TRIM71: variants seen among roughly 807,000 people sequenced by gnomAD.
The protein encoded by TRIM71 is E3 ubiquitin-protein ligase TRIM71.
In TRIM71, 9 loss-of-function variants were observed where a neutral mutation model predicts 61.2. The ratio of observed to expected loss-of-function variants is 0.15; its 90% CI spans 0.09 to 0.26. The LOEUF is 0.26. Among genes scored for constraint, TRIM71 ranks in the 10% least tolerant of loss-of-function variants. The pLI, the probability that TRIM71 is intolerant of heterozygous loss-of-function variation, is 1.00. For synonymous variants in TRIM71, 645 were observed against 553.2 expected (o/e 1.17, Z -2.33); for missense variants, 998 against 1,238.7 (o/e 0.81, Z 2.92).
Position 32,890,366 on chromosome 3 carries a change from A to C in TRIM71, c.1162A>C (p.Lys388Gln), listed in dbSNP as rs1697010982. Reference protein sequence around the residue: ...RECELLWKVEKIRQVKAKSLY... With the variant: ...RECELLWKVEQIRQVKAKSLY... ...CTCTTGCTTTTCCCTCCAGGTAGAA[A>C]AGATCCGCCAGGTGAAAGCCAAGTC... is the stretch of plus-strand genomic sequence containing the variant. Residue 388 changes from lysine to glutamine, a missense_variant, in exon 4 of 4, where the codon AAG (lysine) becomes CAG (glutamine). This residue lies in a region of TRIM71 where 291 missense variants were observed against 431.2 expected (regional missense o/e 0.67). Transcript: ENST00000383763. This position sits in a 1 kb window ranked among gnomAD's most constrained non-coding sequence, Gnocchi z 6.2. 2 of 1,606,618 alleles carry C rather than the reference A, an allele frequency of 1.2e-6. No homozygotes were observed. Among genetic ancestry groups the C allele is most frequent in the Non-Finnish European group, 1.7e-6 (2 of 1,173,816 alleles).
chr3:32,845,228 G>A (rs1302059249), intron 1 of TRIM71, among the ~76,000 whole-genome samples: 1 of 152,190 alleles, frequency 6.6e-6, no homozygotes, highest in Non-Finnish European at 1.5e-5. Flanking sequence ...AAATGTTTGT[G>A]GCTGTGTCTC....
chr3:32,854,510 C>G (rs1216951453), intron 1 of TRIM71, among the ~76,000 whole-genome samples: 2 of 152,128 alleles, frequency 1.3e-5, no homozygotes, highest in African/African-American at 4.8e-5. Flanking sequence ...GGAATGTAAT[C>G]CATGAATGAG....
chr3:32,825,315 T>C (rs1395188987), intron 1 of TRIM71, among the ~76,000 whole-genome samples: 1 of 152,212 alleles, frequency 6.6e-6, no homozygotes, highest in Non-Finnish European at 1.5e-5. Context: ...TAAAACGCTT[T>C]TTTTTAAGTG....
chr3:32,828,502 C>CTTTT lies in TRIM71; in HGVS notation c.852+9590_852+9593dup, dbSNP rs67014189. Among the ~76,000 whole-genome samples the CTTTT allele has an allele frequency of 1.9e-3, 181 of 93,242 alleles. 3 individuals carry two copies. Among genetic ancestry groups the CTTTT allele is most frequent in the Non-Finnish European group, 2.6e-3 (128 of 49,592 alleles). 61.2% of individuals were successfully genotyped at this position (93,242 alleles called of 152,430 possible). ...CCCTACAATTGAAGGCAATTGTAAACTTTTTTTTTTTTTTTTTTTTTTTGA... is the reference window on the plus strand; with the variant it reads ...CCCTACAATTGAAGGCAATTGTAAACTTTTTTTTTTTTTTTTTTTTTTTTTTTGA... On this transcript the variant is annotated intron_variant, in intron 1 of 3. Transcript: ENST00000383763.
Position 32,895,482 on chromosome 3 carries a change from A to G in TRIM71, c.*3671A>G, listed in dbSNP as rs1225481149. 6.6e-6 allele frequency: 1 copy of G among 152,214 alleles called. No individual in the cohort carries two copies. The highest frequency in any genetic ancestry group is 1.5e-5 in the Non-Finnish European group (1 of 68,038). 9.4% of individuals were successfully genotyped at this position (152,214 alleles called of 1,614,324 possible). On this transcript the variant is annotated 3_prime_UTR_variant, in exon 4 of 4. Coordinates refer to ENST00000383763, the MANE Select transcript of TRIM71 (RefSeq NM_001039111.3). Reference sequence around the variant, plus strand: ...GGCTTGAAGCAGCAAAATACTGTTTATATATGTGTTACCTTCCTCGTTGGA... The same window carrying G: ...GGCTTGAAGCAGCAAAATACTGTTTGTATATGTGTTACCTTCCTCGTTGGA...
At chr3:32,872,905 A>G (rs1171311685) in intron 1 of TRIM71, among the ~76,000 whole-genome samples, 1 of 152,206 alleles carries the variant, frequency 6.6e-6, no homozygotes, top group Non-Finnish European at 1.5e-5. Context: ...TCTGCTCTTG[A>G]AAGCAATCCA....
At chr3:32,855,619 A>G (rs1375580987) in intron 1 of TRIM71, among the ~76,000 whole-genome samples, 3 of 152,160 alleles carry the variant, frequency 2.0e-5, no homozygotes, top group African/African-American at 7.2e-5. Flanking sequence ...ATCTGGGAGA[A>G]GCAGTGTTCC....
intron 1 of TRIM71, among the ~76,000 whole-genome samples, chr3:32,861,059 C>T (rs1186511355): frequency 1.3e-5 from 2 of 151,712 alleles, no homozygotes; most frequent in Non-Finnish European, 2.9e-5. Flanking sequence ...CCTGTAGTCC[C>T]AGCTACTCTG....
chr3:32,837,959 C>A (rs1012262050), intron 1 of TRIM71, among the ~76,000 whole-genome samples: 1 of 152,160 alleles, frequency 6.6e-6, no homozygotes, highest in Non-Finnish European at 1.5e-5. Context: ...GAGCAGATGC[C>A]TGCTGGGAGG....
intron 1 of TRIM71, among the ~76,000 whole-genome samples, chr3:32,852,869 A>G (rs1052856464): frequency 1.3e-5 from 2 of 152,176 alleles, no homozygotes; most frequent in Non-Finnish European, 2.9e-5. Context: ...AGAATAGCAA[A>G]AGGTATTTGC....
At chr3:32,829,900 T>TAAA in intron 1 of TRIM71, among the ~76,000 whole-genome samples, 1 of 151,604 alleles carries the variant, frequency 6.6e-6, no homozygotes, top group East Asian at 1.9e-4. Context: ...AAAATCTGCT[T>TAAA]AATACTAAAT....
At chr3:32,843,407 C>G (rs1294479516) in intron 1 of TRIM71, among the ~76,000 whole-genome samples, 2 of 152,078 alleles carry the variant, frequency 1.3e-5, no homozygotes, top group Non-Finnish European at 2.9e-5. Context: ...CTTGGTTTGC[C>G]CAGCTCTTGG....
intron 2 of TRIM71, among the ~76,000 whole-genome samples, chr3:32,878,602 C>T (rs761239970): frequency 4.0e-4 from 60 of 151,562 alleles, no homozygotes; most frequent in Non-Finnish European, 6.5e-4. Flanking sequence ...GCAACAAGAG[C>T]GAAACCCTGT....
chr3:32,881,813 C>T (rs975262412), intron 2 of TRIM71, among the ~76,000 whole-genome samples: 6 of 152,204 alleles, frequency 3.9e-5, no homozygotes, highest in Non-Finnish European at 7.3e-5. Flanking sequence ...AAGTCCTGGT[C>T]TGCACATCTT....
intron 1 of TRIM71, among the ~76,000 whole-genome samples, chr3:32,837,186 G>A (rs924246954): frequency 6.6e-6 from 1 of 152,220 alleles, no homozygotes; most frequent in Non-Finnish European, 1.5e-5. Context: ...CTAAGCGTAT[G>A]CAATGCCATC....
In TRIM71 at chr3:32,817,999, T is replaced by TC; in HGVS notation, c.-77dup. The TC allele has an allele frequency of 1.5e-6, 2 of 1,324,710 alleles. No homozygotes were observed. Among genetic ancestry groups the TC allele is most frequent in the Non-Finnish European group, 2.1e-6 (2 of 941,294 alleles). The allele number at this position is 1,324,710 out of a possible 1,614,324, so 82.1% of individuals were successfully genotyped here. ...GCATTTTTCTGAGTGAGTCGGTGAC[T>TC]CCCCCACCCACCTCGTCCGCTCTCT... On this transcript the variant is annotated 5_prime_UTR_variant, in exon 1 of 4. Coordinates refer to ENST00000383763, the MANE Select transcript of TRIM71 (RefSeq NM_001039111.3).
intron 1 of TRIM71, among the ~76,000 whole-genome samples, chr3:32,870,541 G>C (rs531316010): frequency 6.6e-6 from 1 of 152,204 alleles, no homozygotes; most frequent in Non-Finnish European, 1.5e-5. Context: ...CTCAAGGCTG[G>C]TCACAGGAGG....
At chr3:32,829,309 C>T (rs372124579) in intron 1 of TRIM71, among the ~76,000 whole-genome samples, 23 of 151,436 alleles carry the variant, frequency 1.5e-4, no homozygotes, top group East Asian at 5.9e-4. Context: ...CTCAGCCTCC[C>T]GAGTAGCTGG....
chr3:32,868,208 C>G (rs981388120), intron 1 of TRIM71, among the ~76,000 whole-genome samples: 1 of 152,102 alleles, frequency 6.6e-6, no homozygotes, highest in African/African-American at 2.4e-5. Context: ...CCCCTGCTGG[C>G]CTTTTGTTTT....
Sources: gnomAD v4.1 joint callset for allele counts (sites outside exome capture counted in the v4.1 genomes callset) on GRCh38, gnomAD v4.1.1 for gene constraint, gnomAD v4.1.1 regional missense constraint, Gnocchi (gnomAD v3.1) non-coding constraint, MANE v1.5 for transcripts, NCBI Gene and HGNC (gene_info 2026-07-23, HGNC 2026-07-21) for gene names.